EYA4: variants seen among roughly 807,000 people sequenced by gnomAD.
EYA4 encodes EYA transcriptional coactivator and phosphatase 4.
A neutral mutation model predicts 87.9 loss-of-function variants in EYA4; 31 were observed. The ratio of observed to expected loss-of-function variants is 0.35; its 90% CI spans 0.27 to 0.48. EYA4 has a LOEUF of 0.48. EYA4 is among the 20% of genes least tolerant of loss of function. The probability of loss-of-function intolerance (pLI) is 0.99; values close to 1 mark genes in which losing one functional copy is unlikely to be tolerated. For missense variants in EYA4, 678 were observed against 761.4 expected (o/e 0.89, Z 1.29); for synonymous variants, 263 against 270.6 (o/e 0.97, Z 0.28).
intron 2 of EYA4, among the ~76,000 whole-genome samples, chr6:133,339,680 TG>T (rs2128402669): frequency 6.6e-6 from 1 of 152,248 alleles, no homozygotes; most frequent in South Asian, 2.1e-4. Context: ...CAGGGCAGAA[TG>T]CTCAATAGAA....
chr6:133,270,591 T>TG (rs1249295191), intron 1 of EYA4, among the ~76,000 whole-genome samples: 1 of 152,208 alleles, frequency 6.6e-6, no homozygotes, highest in Non-Finnish European at 1.5e-5. Flanking sequence ...CTACTACCCA[T>TG]TCTGTATTCC....
chr6:133,306,177 G>C (rs567076171), intron 2 of EYA4, among the ~76,000 whole-genome samples: 1 of 152,296 alleles, frequency 6.6e-6, no homozygotes, highest in South Asian at 2.1e-4. Flanking sequence ...TACAAACAAG[G>C]AGACTAGAGA....
At chr6:133,343,770 T>A (rs1782994337) in intron 2 of EYA4, among the ~76,000 whole-genome samples, 1 of 151,960 alleles carries the variant, frequency 6.6e-6, no homozygotes, top group Non-Finnish European at 1.5e-5. Context: ...AAGAGTGAGA[T>A]ATGGGTTAAA....
intron 3 of EYA4, among the ~76,000 whole-genome samples, chr6:133,421,347 A>G (rs1046728504): frequency 6.6e-6 from 1 of 152,240 alleles, no homozygotes; most frequent in African/African-American, 2.4e-5. Context: ...TCAGACTACC[A>G]GCACATTAAC....
chr6:133,529,821 G>A lies in EYA4; in HGVS notation c.*1016G>A, dbSNP rs1004032766. ...AAGTACCCCTTCTACAGTTTTACTG[G>A]AGAAAACTAAGAGCCATATTCATGA... On this transcript the variant is annotated 3_prime_UTR_variant, in exon 20 of 20. Transcript: ENST00000355286. 3.0e-6 allele frequency: 3 copies of A among 985,046 alleles called. No homozygotes were observed. The African/African-American group carries it at 5.2e-5, about 17-fold the overall frequency. The allele number at this position is 985,046 out of a possible 1,614,324, so 61.0% of individuals were successfully genotyped here.
intron 1 of EYA4, among the ~76,000 whole-genome samples, chr6:133,251,279 A>G (rs1400860391): frequency 6.6e-6 from 1 of 152,128 alleles, no homozygotes; most frequent in Non-Finnish European, 1.5e-5. Flanking sequence ...TAAGGTACCA[A>G]TTATGAGAAT....
intron 3 of EYA4, among the ~76,000 whole-genome samples, chr6:133,394,150 G>A (rs143120217): frequency 1.4e-3 from 218 of 152,138 alleles, no homozygotes; most frequent in African/African-American, 5.0e-3. Context: ...CATGCTTACT[G>A]TGCCAAATAA....
chr6:133,418,402 T>G (rs1333748357), intron 3 of EYA4, among the ~76,000 whole-genome samples: 2 of 152,200 alleles, frequency 1.3e-5, no homozygotes. Flanking sequence ...CTCCCCACAG[T>G]GCCTTACACA....
intron 12 of EYA4, 30 bp downstream of exon 12, chr6:133,481,629 T>C: frequency 6.2e-7 from 1 of 1,609,276 alleles, no homozygotes; most frequent in Non-Finnish European, 8.5e-7. Flanking sequence ...AAGATTGTAG[T>C]GTGATGCTTT....
At chr6:133,311,629 A>G (rs538902944) in intron 2 of EYA4, among the ~76,000 whole-genome samples, 1 of 151,672 alleles carries the variant, frequency 6.6e-6, no homozygotes, top group Admixed American at 6.6e-5. Flanking sequence ...TAAATTTTAG[A>G]TTAGATAACA....
Position 133,289,181 on chromosome 6 carries a change from G to A in EYA4, c.33+14368G>A, listed in dbSNP as rs73557753. 2.4e-3 allele frequency among the ~76,000 whole-genome samples: 364 copies of A among 152,180 alleles called. 3 individuals carry two copies. Among genetic ancestry groups the A allele is most frequent in the African/African-American group, 8.3e-3 (343 of 41,516 alleles). On this transcript the variant is annotated intron_variant, in intron 2 of 19. Coordinates refer to ENST00000355286, the MANE Select transcript of EYA4 (RefSeq NM_004100.5). The stretch of plus-strand genomic sequence containing the variant: ...TGAGGTTAATGGAGAACAGAAAGAA[G>A]GTGAACTAGCTGGAGAGGAGTGATA...
chr6:133,389,870 C>T (rs1428142044), intron 3 of EYA4, among the ~76,000 whole-genome samples: 1 of 152,070 alleles, frequency 6.6e-6, no homozygotes, highest in Non-Finnish European at 1.5e-5. Context: ...TCTCTTTATC[C>T]TGCCTCACCT....
intron 1 of EYA4, among the ~76,000 whole-genome samples, chr6:133,266,391 A>C (rs1776228975): frequency 6.6e-6 from 1 of 152,114 alleles, no homozygotes; most frequent in Non-Finnish European, 1.5e-5. Flanking sequence ...CTTCCCTAGG[A>C]TCTCCAGAGC....
chr6:133,447,761 T>C (rs1475707973), intron 4 of EYA4, among the ~76,000 whole-genome samples: 2 of 152,214 alleles, frequency 1.3e-5, no homozygotes, highest in African/African-American at 4.8e-5. Context: ...TGATGTTTAT[T>C]TGTCTCTAAA....
chr6:133,381,540 T>C (rs1483385847), intron 2 of EYA4, among the ~76,000 whole-genome samples: 1 of 152,192 alleles, frequency 6.6e-6, no homozygotes, highest in Admixed American at 6.5e-5. Context: ...GTAAAACTCC[T>C]TGGATTCCAT....
chr6:133,275,821 A>T (rs1456824363), intron 2 of EYA4, among the ~76,000 whole-genome samples: 4 of 152,160 alleles, frequency 2.6e-5, no homozygotes, highest in Admixed American at 2.6e-4. Context: ...TCTAATTTCA[A>T]TATATATTAT....
chr6:133,363,605 G>A (rs1201785726), intron 2 of EYA4, among the ~76,000 whole-genome samples: 1 of 151,740 alleles, frequency 6.6e-6, no homozygotes, highest in Non-Finnish European at 1.5e-5. Context: ...CTCCCCAGCA[G>A]CTGGGACTAC....
chr6:133,526,782 A>G (rs1439869877), intron 19 of EYA4, among the ~76,000 whole-genome samples: 1 of 152,218 alleles, frequency 6.6e-6, no homozygotes, highest in Non-Finnish European at 1.5e-5. Flanking sequence ...TCCTGAGTCC[A>G]TGTTGTGATT....
intron 2 of EYA4, among the ~76,000 whole-genome samples, chr6:133,335,061 A>G (rs886440977): frequency 6.6e-6 from 1 of 152,252 alleles, no homozygotes; most frequent in Non-Finnish European, 1.5e-5. Flanking sequence ...TTATTCCACA[A>G]AAGAAAGGAT....
Sources: allele counts gnomAD v4.1 joint callset (sites outside exome capture counted in the v4.1 genomes callset), GRCh38; gene constraint gnomAD v4.1.1; transcripts MANE v1.5; gene names NCBI Gene and HGNC (gene_info 2026-07-23, HGNC 2026-07-21).